IQGAP2: variants seen among roughly 807,000 people sequenced by gnomAD.
The protein encoded by IQGAP2 is IQ motif containing GTPase activating protein 2, also known as ras GTPase-activating-like protein IQGAP2.
In IQGAP2, 173 loss-of-function variants were observed where a neutral mutation model predicts 201.3. The observed-to-expected ratio is 0.86, with a 90% CI of 0.76 to 0.98. The LOEUF is 0.98. Among genes scored for constraint, IQGAP2 ranks in the 50% least tolerant of loss-of-function variants. The pLI is 0.00. For synonymous variants in IQGAP2, 675 were observed against 673.9 expected, an observed-to-expected ratio of 1.00 and a Z score of -0.03; for missense variants, 1,687 against 1,864.8, an observed-to-expected ratio of 0.90 and a Z score of 1.76.
chr5:76,629,439 G>A (rs574857441), intron 14 of IQGAP2, among the ~76,000 whole-genome samples: 7 of 152,150 alleles, frequency 4.6e-5, no homozygotes, highest in Non-Finnish European at 7.4e-5. Flanking sequence ...AGTAACTCAA[G>A]TCCCTTTCAT....
At chr5:76,494,215 G>A (rs756132109) in intron 2 of IQGAP2, among the ~76,000 whole-genome samples, 11 of 152,104 alleles carry the variant, frequency 7.2e-5, no homozygotes, top group East Asian at 1.9e-4. Context: ...TTCAAATGAC[G>A]TATTTTCTCT....
At chr5:76,611,666 T>G (rs1011695969) in intron 13 of IQGAP2, among the ~76,000 whole-genome samples, 4 of 152,194 alleles carry the variant, frequency 2.6e-5, no homozygotes, top group African/African-American at 9.7e-5. Context: ...ATACACAGAT[T>G]GATTCACGGA....
chr5:76,490,043 T>A (rs2150154446), intron 2 of IQGAP2, among the ~76,000 whole-genome samples: 1 of 152,342 alleles, frequency 6.6e-6, no homozygotes, highest in South Asian at 2.1e-4. Flanking sequence ...TTCAAATGTG[T>A]GCCTCAAATT....
intron 5 of IQGAP2, among the ~76,000 whole-genome samples, chr5:76,579,246 AT>A (rs1426597671): frequency 6.6e-6 from 1 of 152,082 alleles, no homozygotes; most frequent in African/African-American, 2.4e-5. Flanking sequence ...CTATTATATT[AT>A]TTTGATACCT....
intron 2 of IQGAP2, among the ~76,000 whole-genome samples, chr5:76,543,545 T>C (rs189203052): frequency 9.8e-5 from 15 of 152,322 alleles, no homozygotes; most frequent in Admixed American, 9.2e-4. Flanking sequence ...GGGAACCTCG[T>C]TGTCACCAAG....
intron 2 of IQGAP2, among the ~76,000 whole-genome samples, chr5:76,515,211 A>G (rs1175442246): frequency 6.6e-6 from 1 of 152,230 alleles, no homozygotes; most frequent in Non-Finnish European, 1.5e-5. Flanking sequence ...CATGCTTACC[A>G]TGCTTGTTAC....
At chr5:76,531,982 G>A (rs941112912) in intron 2 of IQGAP2, among the ~76,000 whole-genome samples, 2 of 152,218 alleles carry the variant, frequency 1.3e-5, no homozygotes, top group Non-Finnish European at 2.9e-5. Context: ...CTGGTGGACA[G>A]AGCCAGGGAT....
intron 5 of IQGAP2, among the ~76,000 whole-genome samples, chr5:76,578,021 C>G (rs1460871832): frequency 6.6e-6 from 1 of 152,206 alleles, no homozygotes; most frequent in Non-Finnish European, 1.5e-5. Context: ...AAAGTTAGCT[C>G]TTAGCCCTGA....
At chr5:76,685,987 C>A (rs1313823066) in intron 30 of IQGAP2, among the ~76,000 whole-genome samples, 1 of 152,208 alleles carries the variant, frequency 6.6e-6, no homozygotes, top group Non-Finnish European at 1.5e-5. Flanking sequence ...TGTCTTTGAA[C>A]TTTTGCCTGA....
intron 8 of IQGAP2, 83 bp from the exon 9 acceptor site, chr5:76,592,755 C>A: frequency 1.1e-6 from 1 of 908,652 alleles, no homozygotes. Context: ...GTTTTTGTCA[C>A]TCTTCACATT....
At chr5:76,612,579 G>A (rs1168767215) in intron 13 of IQGAP2, among the ~76,000 whole-genome samples, 1 of 152,168 alleles carries the variant, frequency 6.6e-6, no homozygotes, top group African/African-American at 2.4e-5. Flanking sequence ...GCTCAGGTCT[G>A]TCTGATTCGG....
chr5:76,455,878 C>T (rs1173613354), intron 1 of IQGAP2, among the ~76,000 whole-genome samples: 2 of 152,184 alleles, frequency 1.3e-5, no homozygotes, highest in Non-Finnish European at 2.9e-5. Flanking sequence ...GCCATAGTCG[C>T]TTACAGCCTT....
intron 2 of IQGAP2, among the ~76,000 whole-genome samples, chr5:76,521,991 A>C (rs79731076): frequency 1.3e-5 from 2 of 152,094 alleles, no homozygotes; most frequent in African/African-American, 4.8e-5. Flanking sequence ...ATAAAATCAT[A>C]TATGTTTACA....
At chr5:76,690,649 T>C (rs1746185981) in intron 30 of IQGAP2, among the ~76,000 whole-genome samples, 1 of 152,226 alleles carries the variant, frequency 6.6e-6, no homozygotes. Context: ...AGAAGCCTTA[T>C]TTTAAAAAGA....
chr5:76,443,322 CTA>C (rs1753160353), intron 1 of IQGAP2, among the ~76,000 whole-genome samples: 1 of 152,132 alleles, frequency 6.6e-6, no homozygotes, highest in African/African-American at 2.4e-5. Flanking sequence ...CAAAATTCAA[CTA>C]TGTCTCATTT....
chr5:76,481,791 C>T (rs1755806797), intron 2 of IQGAP2, among the ~76,000 whole-genome samples: 1 of 152,204 alleles, frequency 6.6e-6, no homozygotes, highest in African/African-American at 2.4e-5. Flanking sequence ...CTCAGACTAG[C>T]TGCACTTCAA....
At chr5:76,501,129 GA>G in intron 2 of IQGAP2, among the ~76,000 whole-genome samples, 1 of 151,390 alleles carries the variant, frequency 6.6e-6, no homozygotes, top group Non-Finnish European at 1.5e-5. Context: ...AACACAGTCC[GA>G]AACTACATAA....
At chr5:76,459,224 G>C (rs1369685586) in intron 1 of IQGAP2, among the ~76,000 whole-genome samples, 1 of 152,186 alleles carries the variant, frequency 6.6e-6, no homozygotes, top group African/African-American at 2.4e-5. Flanking sequence ...AATATTGCAT[G>C]GTTTGTGGAG....
At chr5:76,554,984 A>G (rs1743837371) in intron 2 of IQGAP2, among the ~76,000 whole-genome samples, 1 of 152,238 alleles carries the variant, frequency 6.6e-6, no homozygotes, top group Non-Finnish European at 1.5e-5. Context: ...AGAAAAAGAT[A>G]TGAAGTCCAG....
Sources: allele counts gnomAD v4.1 joint callset (sites outside exome capture counted in the v4.1 genomes callset), GRCh38; gene constraint gnomAD v4.1.1; transcripts MANE v1.5; gene names NCBI Gene and HGNC (gene_info 2026-07-23, HGNC 2026-07-21).